The following RNF41 variants were observed in gnomAD, a reference collection of about 807,000 sequenced individuals.
The protein encoded by RNF41 is E3 ubiquitin-protein ligase NRDP1.
A neutral mutation model predicts 33.0 loss-of-function variants in RNF41; 4 were observed. The observed-to-expected ratio is 0.12, with a 90% CI of 0.06 to 0.28. RNF41 has a LOEUF of 0.28. Ranked by LOEUF, RNF41 falls within the 10% of genes least tolerant of loss-of-function variation. RNF41 has a pLI of 1.00. For missense variants in RNF41, 228 were observed against 432.6 expected (o/e 0.53, Z 4.19); for synonymous variants, 164 against 153.2 (o/e 1.07, Z -0.52).
intron 1 of RNF41, among the ~76,000 whole-genome samples, chr12:56,219,260 C>T (rs937526460): frequency 2.7e-5 from 4 of 150,808 alleles, no homozygotes; most frequent in Non-Finnish European, 3.0e-5. Flanking sequence ...GATGCGATCT[C>T]GGCTCACTAC....
At chr12:56,210,007 G>T in intron 4 of RNF41, 1 of 403,268 alleles carries the variant, frequency 2.5e-6, no homozygotes, top group East Asian at 4.2e-5. Context: ...CCTGACAAAC[G>T]GAAAGTAGTA....
chr12:56,219,183 ATTTAT>A (rs1345805527), intron 1 of RNF41, among the ~76,000 whole-genome samples: 1 of 147,588 alleles, frequency 6.8e-6, no homozygotes, highest in Non-Finnish European at 1.5e-5. Context: ...TTTTTATTTT[ATTTAT>A]TTATTTATTT....
chr12:56,216,412 G>A lies in RNF41; in HGVS notation c.-24+17C>T, dbSNP rs377251769. 6.6e-6 allele frequency: 1 copy of A among 152,204 alleles called. No individual in the cohort carries two copies. Among genetic ancestry groups the A allele is most frequent in the East Asian group, 1.9e-4 (1 of 5,194 alleles). The allele number at this position is 152,204 out of a possible 1,614,324, so 9.4% of individuals were successfully genotyped here. A position where few individuals can be genotyped will look rare whatever the true frequency, so the allele number is the denominator to read the frequency against. Reference sequence around the variant, plus strand: ...GGGTTGAGGCCTGGAATGGGATTCTGAATCAAAGCTCTTTACCTTCCAAGT... The same window carrying A: ...GGGTTGAGGCCTGGAATGGGATTCTAAATCAAAGCTCTTTACCTTCCAAGT... On this transcript the variant is annotated intron_variant, in intron 2 of 6. Transcript: ENST00000345093.
At position 56,210,641 on chromosome 12, in the gene RNF41, C is replaced by G. The variant is rs1057502250; in HGVS notation, c.91-73G>C. The G allele has an allele frequency of 2.0e-4, 273 of 1,350,650 alleles. 1 individual carries two copies. Among genetic ancestry groups the G allele is most frequent in the Non-Finnish European group, 2.6e-4 (257 of 974,628 alleles). The allele number at this position is 1,350,650 out of a possible 1,614,324, so 83.7% of individuals were successfully genotyped here. A position where few individuals can be genotyped will look rare whatever the true frequency, so the allele number is the denominator to read the frequency against. On this transcript the variant is annotated intron_variant, in intron 3 of 6. Transcript: ENST00000345093. The stretch of plus-strand genomic sequence containing the variant: ...CTAAGAGCCTGGATATGATATAACT[C>G]TACAAAGCCAATCAAGCCTTTGAGC...
rs1014565375 is a variant in RNF41 at position 56,204,556 on chromosome 12, A to G, written c.*1891T>C. The G allele has an allele frequency of 1.3e-5, 2 of 152,616 alleles. No individual in the cohort carries two copies. Among genetic ancestry groups the G allele is most frequent in the Non-Finnish European group, 2.9e-5 (2 of 68,104 alleles). 9.5% of individuals were successfully genotyped at this position (152,616 alleles called of 1,614,324 possible). ...AGTGCAGTCAACACCATGGAACAGC[A>G]CATACAACACAACCAGCAACCTGCA... On this transcript the variant is annotated 3_prime_UTR_variant, in exon 7 of 7. Transcript: ENST00000345093.
Position 56,206,592 on chromosome 12 carries a change from C to G in RNF41, c.809G>C (p.Arg270Pro), listed in dbSNP as rs945181194. Reference sequence around the variant, plus strand: ...CTTGGCCACGTAGTTCTCATAGTAGCGTCGGTTCATCTGTCTAGTCTCTAG... The same window carrying G: ...CTTGGCCACGTAGTTCTCATAGTAGGGTCGGTTCATCTGTCTAGTCTCTAG... ...ATLETRQMNR[R>P]YYENYVAKRI... The change falls in exon 7 of 7, where the codon CGC becomes CCC. Residue 270 changes from arginine to proline, a missense_variant. Transcript: ENST00000345093. This position sits in a 1 kb window ranked among gnomAD's most constrained non-coding sequence, Gnocchi z 5.7. 5 of 1,614,012 alleles carry G rather than the reference C, an allele frequency of 3.1e-6. No homozygotes were observed. The African/African-American group carries it at 5.3e-5, about 17-fold the overall frequency.
At chr12:56,213,014 T>G (rs1868595132) in intron 3 of RNF41, 1 of 1,289,686 alleles carries the variant, frequency 7.8e-7, no homozygotes, top group South Asian at 1.2e-5. Context: ...CGTGAGCTTC[T>G]CCTCATACTT....
intron 5 of RNF41, 80 bp downstream of exon 5, chr12:56,208,083 C>A: frequency 6.5e-7 from 1 of 1,546,796 alleles, no homozygotes. Flanking sequence ...TCTGTGTGTT[C>A]ACAACTGGTT....
chr12:56,219,119 C>T (rs1159883906), intron 1 of RNF41, among the ~76,000 whole-genome samples: 3 of 151,956 alleles, frequency 2.0e-5, no homozygotes, highest in Non-Finnish European at 4.4e-5. Context: ...AATTCTCCTG[C>T]CTCAGCCTCC....
At chr12:56,210,659 C>T (rs971711637) in intron 3 of RNF41, 91 bp from the exon 4 acceptor site, 1 of 1,328,346 alleles carries the variant, frequency 7.5e-7, no homozygotes, top group Non-Finnish European at 1.0e-6. Context: ...CCAATCAAGC[C>T]TTTGAGCAGC....
At chr12:56,208,332 G>A in intron 4 of RNF41, 34 bp from the exon 5 acceptor site, 1 of 1,610,838 alleles carries the variant, frequency 6.2e-7, no homozygotes, top group Non-Finnish European at 8.5e-7. Context: ...GCAGAACAGA[G>A]GTGATCCCTG....
chr12:56,217,002 A>T (rs576941219), intron 1 of RNF41, among the ~76,000 whole-genome samples: 335 of 152,000 alleles, frequency 2.2e-3, no homozygotes, highest in African/African-American at 7.4e-3. Flanking sequence ...TAGCTGGGCG[A>T]GGTGGCAGGC....
intron 2 of RNF41, among the ~76,000 whole-genome samples, chr12:56,214,595 G>A (rs1384767490): frequency 2.0e-5 from 3 of 151,676 alleles, no homozygotes; most frequent in African/African-American, 7.3e-5. Context: ...TTGGGAGGCC[G>A]GGACAGGCAG....
At chr12:56,208,869 T>TATTTA in intron 4 of RNF41, among the ~76,000 whole-genome samples, 1 of 150,088 alleles carries the variant, frequency 6.7e-6, no homozygotes. Flanking sequence ...CCTGGCCTTT[T>TATTTA]TTTTTTTTTT....
chr12:56,215,829 A>C (rs1868847299), intron 2 of RNF41, among the ~76,000 whole-genome samples: 1 of 152,058 alleles, frequency 6.6e-6, no homozygotes, highest in Admixed American at 6.6e-5. Flanking sequence ...AGAAGAGGTC[A>C]GTAAACAACT....
At chr12:56,217,431 C>T (rs1868990009) in intron 1 of RNF41, among the ~76,000 whole-genome samples, 1 of 152,004 alleles carries the variant, frequency 6.6e-6, no homozygotes, top group Admixed American at 6.6e-5. Flanking sequence ...CCTGTAATCC[C>T]AGCTACTCAG....
intron 1 of RNF41, among the ~76,000 whole-genome samples, chr12:56,219,972 G>A (rs1401106970): frequency 6.6e-6 from 1 of 151,592 alleles, no homozygotes; most frequent in South Asian, 2.1e-4. Flanking sequence ...AGCAGAGATC[G>A]CAGCACCGCA....
At chr12:56,213,801 T>C (rs1442089478) in intron 3 of RNF41, among the ~76,000 whole-genome samples, 157 bp downstream of exon 3, 5 of 152,196 alleles carry the variant, frequency 3.3e-5, no homozygotes, top group Admixed American at 3.3e-4. Flanking sequence ...GGCCTTATTC[T>C]TGTAGTCACC....
chr12:56,219,661 ATGTGT>A (rs1869191327), intron 1 of RNF41, among the ~76,000 whole-genome samples: 1 of 151,324 alleles, frequency 6.6e-6, no homozygotes, highest in Non-Finnish European at 1.5e-5. Context: ...GTGTGTATAT[ATGTGT>A]ATATACACGC....
Sources: gnomAD v4.1 joint callset for allele counts (sites outside exome capture counted in the v4.1 genomes callset) on GRCh38, gnomAD v4.1.1 for gene constraint, Gnocchi (gnomAD v3.1) non-coding constraint, MANE v1.5 for transcripts, NCBI Gene and HGNC (gene_info 2026-07-23, HGNC 2026-07-21) for gene names.